Variants in MUC4 observed in about 807,000 individuals in gnomAD.
The protein encoded by MUC4 is mucin 4, cell surface associated.
In MUC4, 202 loss-of-function variants were observed where a neutral mutation model predicts 257.9. The ratio of observed to expected loss-of-function variants is 0.78; its 90% CI spans 0.70 to 0.88. The LOEUF (loss-of-function observed/expected upper bound fraction) is 0.88. Ranked by LOEUF, MUC4 falls within the 40% of genes least tolerant of loss-of-function variation. The probability of loss-of-function intolerance (pLI) is 0.00; values close to 1 mark genes in which losing one functional copy is unlikely to be tolerated. For missense variants in MUC4, 5,976 were observed against 6,513.7 expected (o/e 0.92, Z 2.84); for synonymous variants, 2,351 against 2,757.1 (o/e 0.85, Z 4.62).
intron 7 of MUC4, among the ~76,000 whole-genome samples, chr3:195,767,588 CCACCACCACCATCAT>C (rs1295394655): frequency 9.2e-6 from 1 of 108,964 alleles, no homozygotes; most frequent in Non-Finnish European, 1.9e-5. Flanking sequence ...ACCACCATCA[CCACCACCACCATCAT>C]CACCATTGCC....
In MUC4 at chr3:195,789,044, C is replaced by A. The variant is rs1262640535; in HGVS notation, c.2536G>T (p.Glu846Ter). The A allele has an allele frequency of 6.2e-7, 1 of 1,613,736 alleles. No homozygotes were observed. The highest frequency in any genetic ancestry group is 8.5e-7 in the Non-Finnish European group (1 of 1,179,804). The change falls in exon 2 of 25, where the codon GAA (glutamate) becomes TAA (stop). Residue 846 changes from glutamate to a stop codon, truncating the protein, a stop_gained. Transcript: ENST00000463781. LOFTEE classifies it high-confidence loss of function. ...TGACTGGCTGAGGCGGACAGCAATT[C>A]GGTTGTTGACTGGGTTGTGTGACTG... ...RDSHTTQSTT[E>*]LLSASASHGA...
At chr3:195,765,533 A>C in intron 8 of MUC4, 84 bp from the exon 9 acceptor site, 48 of 1,343,610 alleles carry the variant, frequency 3.6e-5, no homozygotes, top group Non-Finnish European at 4.6e-5. Flanking sequence ...ACCAAAACTC[A>C]CAAATGCACC....
Position 195,790,924 on chromosome 3 carries a change from G to A in MUC4, c.656C>T (p.Thr219Ile). Reference protein sequence around the residue: ...SQTSTLTHRTTSTPSFSPSVH... With the variant: ...SQTSTLTHRTISTPSFSPSVH... ...ACTTGGAGAGAAAGAAGGAGTTGAA[G>A]TGGTTCTGTGTGTTAGGGTGCTGGT... The change falls in exon 2 of 25, where the codon ACT (threonine) becomes ATT (isoleucine). Residue 219 changes from threonine (T) to isoleucine (I), a missense_variant. Around this residue, in one of 44 missense-constraint regions of MUC4, gnomAD observed 1,583 missense variants for 1,257.4 expected, o/e 1.26. Transcript: ENST00000463781. The A allele has an allele frequency of 2.5e-6, 4 of 1,613,988 alleles. No homozygotes were observed. Among genetic ancestry groups the A allele is most frequent in the Middle Eastern group, 1.6e-4 (1 of 6,062 alleles).
chr3:195,767,817 CCACCACCACCACCA>C (rs1721662731), intron 7 of MUC4, among the ~76,000 whole-genome samples: 1 of 95,298 alleles, frequency 1.0e-5, no homozygotes, highest in Non-Finnish European at 2.0e-5. Flanking sequence ...ACCACCATCA[CCACCACCACCACCA>C]TCACCACCAC....
At chr3:195,767,806 C>T (rs1578075899) in intron 7 of MUC4, among the ~76,000 whole-genome samples, 2 of 121,522 alleles carry the variant, frequency 1.6e-5, no homozygotes, top group Non-Finnish European at 3.2e-5. Flanking sequence ...CCACCATCAT[C>T]ACCACCATCA....
Position 195,788,779 on chromosome 3 carries a change from G to A in MUC4, c.2801C>T (p.Thr934Ile). The A allele has an allele frequency of 1.2e-6, 2 of 1,613,966 alleles. No homozygotes were observed. The change falls in exon 2 of 25, where the codon ACA (threonine) becomes ATA (isoleucine). Residue 934 changes from threonine to isoleucine, a missense_variant. Thr to Ile is a moderately conservative substitution (Grantham distance 89, BLOSUM62 -1). Around this residue, in one of 44 missense-constraint regions of MUC4, gnomAD observed 1,583 missense variants for 1,257.4 expected, o/e 1.26. Coordinates refer to ENST00000463781, the MANE Select transcript of MUC4 (RefSeq NM_018406.7). ...GATCGATGGAGGTGTGGGTGGGACT[G>A]TTGAGAAGGTGTCGGTTGCCTGGGA... Reference protein sequence around the residue: ...LASQATDTFSTVPPTPPSITS... With the variant: ...LASQATDTFSIVPPTPPSITS...
rs1334163241 is a variant in MUC4, at chr3:195,788,933, C to G, written c.2647G>C (p.Gly883Arg). 5 of 1,613,574 alleles carry G rather than the reference C, an allele frequency of 3.1e-6. No individual in the cohort carries two copies. Among genetic ancestry groups the G allele is most frequent in the Non-Finnish European group, 4.2e-6 (5 of 1,179,718 alleles). The change falls in exon 2 of 25, where the codon GGG becomes CGG. Residue 883 changes from glycine (G) to arginine (R), a missense_variant. Around this residue, in one of 44 missense-constraint regions of MUC4, gnomAD observed 1,583 missense variants for 1,257.4 expected, o/e 1.26. Transcript: ENST00000463781. ...GGGCTTGACTGTCCTGTCGGTCTCC[C>G]TGCAGTGGAGGCCTCAGAGAGGGTG... is the stretch of plus-strand genomic sequence containing the variant. ...HPTLSEASTA[G>R]RPTGQSSPTS...
chr3:195,761,822 A>G (rs1368965110), intron 14 of MUC4, among the ~76,000 whole-genome samples: 1 of 151,890 alleles, frequency 6.6e-6, no homozygotes, highest in Non-Finnish European at 1.5e-5. Context: ...GTGGGAGGCA[A>G]GAGGAAAGGG....
In MUC4 at chr3:195,790,017, T is replaced by C. The variant is rs1300118531; in HGVS notation, c.1563A>G (p.Pro521=). ...GAATAGTGCCAGCTGTCCCTGTAGATGGATTTCCTGTGACAAGCCTAGTGG... is the reference window on the plus strand; with the variant it reads ...GAATAGTGCCAGCTGTCCCTGTAGACGGATTTCCTGTGACAAGCCTAGTGG... ...GAATRLVTGN[P]STGTAGTIPR... The change falls in exon 2 of 25, where the codon CCA becomes CCG. Residue 521 remains proline (P), a synonymous_variant. Coordinates refer to ENST00000463781, the MANE Select transcript of MUC4 (RefSeq NM_018406.7). 1 of 1,613,878 alleles carries C rather than the reference T, an allele frequency of 6.2e-7. No homozygotes were observed. The highest frequency in any genetic ancestry group is 1.3e-5 in the African/African-American group (1 of 74,924).
Position 195,778,347 on chromosome 3 carries a change from T to G in MUC4, c.12899A>C (p.His4300Pro). 1.2e-6 allele frequency: 2 copies of G among 1,612,740 alleles called. No individual in the cohort carries two copies. The highest frequency in any genetic ancestry group is 1.7e-6 in the Non-Finnish European group (2 of 1,179,836). The change falls in exon 3 of 25, where the codon CAC (histidine) becomes CCC (proline). Residue 4300 changes from histidine (H) to proline (P), a missense_variant. This residue lies in a region of MUC4 where 233 missense variants were observed against 171.2 expected (regional missense o/e 1.36). Transcript: ENST00000463781. The part of the protein sequence containing the change: ...IISTIPSTAM[H>P]TRSTAAPIPI... ...GATGGGGGCAGCTGTGGAGCGGGTG[T>G]GCATGGCAGTGCTGGGAATGGTGGA...
In MUC4 at chr3:195,762,861, C is replaced by T. The variant is rs756898329; in HGVS notation, c.14338G>A (p.Gly4780Ser). ...CCGGCGCTCCCCAACCTACCTCCGCCGTCTTCATGGTCAGGCTGAAATGTC... is the reference window on the plus strand; with the variant it reads ...CCGGCGCTCCCCAACCTACCTCCGCTGTCTTCATGGTCAGGCTGAAATGTC... ...TVTFQPDHED[G>S]GGQETFNATG... The change falls in exon 13 of 25, where the codon GGC becomes AGC. Residue 4780 changes from glycine to serine, a missense_variant. Transcript: ENST00000463781. The T allele has an allele frequency of 1.1e-4, 171 of 1,561,448 alleles. No homozygotes were observed. The highest frequency in any genetic ancestry group is 1.5e-4 in the Non-Finnish European group (169 of 1,154,654).
chr3:195,797,591 A>G (rs1345904300), intron 1 of MUC4, among the ~76,000 whole-genome samples: 1 of 152,266 alleles, frequency 6.6e-6, no homozygotes, highest in Non-Finnish European at 1.5e-5. Context: ...CAAGATGCCA[A>G]CAATCACTGC....
rs748352574 is a variant in MUC4, at chr3:195,771,635, G to T, written c.13242+17C>A. Reference sequence around the variant, plus strand: ...AGCTGCTGGGGGATCCTGACTGCCAGGCTTTGAAAGGCTCACCTGATAAAA... The same window carrying T: ...AGCTGCTGGGGGATCCTGACTGCCATGCTTTGAAAGGCTCACCTGATAAAA... On this transcript the variant is annotated intron_variant, in intron 5 of 24. Transcript: ENST00000463781. 3 of 1,607,942 alleles carry T rather than the reference G, an allele frequency of 1.9e-6. No individual in the cohort carries two copies. The African/African-American group carries it at 4.0e-5, about 21-fold the overall frequency.
intron 19 of MUC4, 181 bp downstream of exon 19, chr3:195,754,032 G>T: frequency 1.2e-6 from 1 of 810,614 alleles, no homozygotes; most frequent in Non-Finnish European, 1.9e-6. Flanking sequence ...GGCCTGCCTA[G>T]ATTTCCCATA....
intron 13 of MUC4, among the ~76,000 whole-genome samples, chr3:195,762,554 G>A (rs1719317367): frequency 6.7e-6 from 1 of 149,714 alleles, no homozygotes; most frequent in Non-Finnish European, 1.5e-5. Context: ...CAACGCACCC[G>A]GCCCTGCACC....
chr3:195,760,493 AG>A (rs11333752), intron 16 of MUC4, among the ~76,000 whole-genome samples: 7,705 of 65,884 alleles, frequency 0.12, 1,095 homozygotes, highest in East Asian at 0.19. Context: ...GATGGAGTGG[AG>A]GGGGCTGGGA....
chr3:195,763,851 C>T (rs1412959063), intron 11 of MUC4, among the ~76,000 whole-genome samples, 194 bp downstream of exon 11: 2 of 152,174 alleles, frequency 1.3e-5, no homozygotes, highest in Non-Finnish European at 2.9e-5. Context: ...CATTTTCGTG[C>T]CCCGCTATTC....
chr3:195,789,901 C>G lies in MUC4; in HGVS notation c.1679G>C (p.Gly560Ala). ...SHSTTLPKTT[G>A]AGAQTQWTQE... ...TGTCCATTGTGTCTGGGCGCCTGCCCCTGTTGTTTTTGGGAGAGTTGTGCT... is the reference window on the plus strand; with the variant it reads ...TGTCCATTGTGTCTGGGCGCCTGCCGCTGTTGTTTTTGGGAGAGTTGTGCT... Residue 560 changes from glycine to alanine, a missense_variant, in exon 2 of 25, where the codon GGG becomes GCG. Coordinates refer to ENST00000463781, the MANE Select transcript of MUC4 (RefSeq NM_018406.7). 1 of 1,613,926 alleles carries G rather than the reference C, an allele frequency of 6.2e-7. No individual in the cohort carries two copies. The highest frequency in any genetic ancestry group is 8.5e-7 in the Non-Finnish European group (1 of 1,179,864).
At chr3:195,807,819 G>T in intron 1 of MUC4, among the ~76,000 whole-genome samples, 1 of 152,214 alleles carries the variant, frequency 6.6e-6, no homozygotes, top group Non-Finnish European at 1.5e-5. Context: ...ACCACTTCTT[G>T]TCCTCTCATT....
Sources: allele counts gnomAD v4.1 joint callset (sites outside exome capture counted in the v4.1 genomes callset), GRCh38; gene constraint gnomAD v4.1.1; regional missense constraint gnomAD v4.1.1; transcripts MANE v1.5; gene names NCBI Gene and HGNC (gene_info 2026-07-23, HGNC 2026-07-21).